The following IFI44L variants were observed in gnomAD, a reference collection of about 807,000 sequenced individuals.
IFI44L encodes the protein interferon induced protein 44 like.
IFI44L carries 40 observed loss-of-function variants against 39.3 expected under a neutral mutation model. The observed-to-expected ratio is 1.02, with a 90% CI of 0.79 to 1.33. The LOEUF (loss-of-function observed/expected upper bound fraction) is 1.33. IFI44L is among the 40% of genes most tolerant of loss of function. IFI44L has a pLI of 0.00. For missense variants in IFI44L, 623 were observed against 549.0 expected, an observed-to-expected ratio of 1.13 and a Z score of -1.35; for synonymous variants, 198 against 182.3, an observed-to-expected ratio of 1.09 and a Z score of -0.69.
intron 1 of IFI44L, among the ~76,000 whole-genome samples, chr1:78,623,389 G>GTTTT (rs1222507453): frequency 5.0e-4 from 10 of 19,948 alleles, no homozygotes; most frequent in Admixed American, 1.4e-3. Flanking sequence ...TGGTTTAAGT[G>GTTTT]TTTTTTGTTT....
At chr1:78,628,765 C>T (rs954556162) in intron 2 of IFI44L, 186 bp from the exon 3 acceptor site, 2 of 566,518 alleles carry the variant, frequency 3.5e-6, no homozygotes, top group Non-Finnish European at 6.4e-6. Flanking sequence ...GCTTCCAGAG[C>T]AAGTTAATGT....
At chr1:78,627,425 G>A (rs778880046) in intron 1 of IFI44L, 1 of 151,944 alleles carries the variant, frequency 6.6e-6, no homozygotes, top group Non-Finnish European at 1.5e-5. Flanking sequence ...GGCAAATGAT[G>A]AATGTGATAT....
intron 4 of IFI44L, among the ~76,000 whole-genome samples, chr1:78,630,486 A>G (rs185928469): frequency 6.6e-6 from 1 of 152,276 alleles, no homozygotes; most frequent in East Asian, 1.9e-4. Context: ...AGAACTACAA[A>G]TTATGATGCA....
chr1:78,620,562 C>T lies in IFI44L; in HGVS notation c.-20C>T, dbSNP rs1345309117. On this transcript the variant is annotated 5_prime_UTR_variant, in exon 1 of 9. Transcript: ENST00000370751. ...CCTCAATTTAAGCCTGATCTAACCC[C>T]TAGAAACAGGTAAGCGACTTTTTAA... The T allele has an allele frequency of 6.6e-6, 1 of 152,136 alleles. No individual in the cohort carries two copies. Among genetic ancestry groups the T allele is most frequent in the African/African-American group, 2.4e-5 (1 of 41,416 alleles). 9.4% of individuals were successfully genotyped at this position (152,136 alleles called of 1,614,324 possible).
At chr1:78,635,108 A>AT (rs150914658) in intron 4 of IFI44L, among the ~76,000 whole-genome samples, 2,750 of 151,678 alleles carry the variant, frequency 0.018, 93 homozygotes, top group African/African-American at 0.063. Context: ...GAATATTTAC[A>AT]TTTTTTTCAG....
intron 1 of IFI44L, chr1:78,620,935 T>C (rs1368319868): frequency 6.6e-6 from 1 of 152,224 alleles, no homozygotes; most frequent in African/African-American, 2.4e-5. Context: ...AATCAACTTT[T>C]ATTTTAAGCT....
intron 6 of IFI44L, among the ~76,000 whole-genome samples, chr1:78,638,748 AT>A (rs1457780725): frequency 1.3e-5 from 2 of 152,068 alleles, no homozygotes; most frequent in Admixed American, 1.3e-4. Flanking sequence ...GTTCTTAAGC[AT>A]TTTTATGATG....
chr1:78,646,002 G>A lies in IFI44L; in HGVS notation c.*4193G>A, dbSNP rs1220502939. 1.3e-5 allele frequency: 2 copies of A among 152,168 alleles called. No individual in the cohort carries two copies. The highest frequency in any genetic ancestry group is 2.9e-5 in the Non-Finnish European group (2 of 68,054). The allele number at this position is 152,168 out of a possible 1,614,324, so 9.4% of individuals were successfully genotyped here. A position where few individuals can be genotyped will look rare whatever the true frequency, so the allele number is the denominator to read the frequency against. ...TTGCAAAAATTGAGGGCACAGGGGT[G>A]GAGGTGGGGGGGTTGAATAACAAGC... On this transcript the variant is annotated 3_prime_UTR_variant, in exon 9 of 9. Transcript: ENST00000370751.
rs759078916 is a variant in IFI44L, at chr1:78,629,813, G to A, written c.621G>A (p.Gly207=). The part of the protein sequence containing the change: ...EIRILLVGPV[G]SGKSSFFNSV... ...GTATTCTTTTGGTGGGTCCAGTTGGGTCTGGAAAGTCCAGTTTTTTCAATT... is the reference window on the plus strand; with the variant it reads ...GTATTCTTTTGGTGGGTCCAGTTGGATCTGGAAAGTCCAGTTTTTTCAATT... Residue 207 remains glycine (G), a synonymous_variant, in exon 4 of 9, where the codon GGG becomes GGA. Transcript: ENST00000370751. 6.2e-7 allele frequency: 1 copy of A among 1,613,700 alleles called. No homozygotes were observed. Among genetic ancestry groups the A allele is most frequent in the South Asian group, 1.1e-5 (1 of 91,074 alleles).
intron 5 of IFI44L, chr1:78,635,967 C>CTT (rs772798804): frequency 5.8e-4 from 71 of 123,000 alleles, no homozygotes; most frequent in South Asian, 1.5e-3. Context: ...CTCTCTCGGT[C>CTT]TTTTTTTTTT....
At chr1:78,638,509 A>T (rs1299239340) in intron 6 of IFI44L, among the ~76,000 whole-genome samples, 2 of 151,874 alleles carry the variant, frequency 1.3e-5, no homozygotes, top group East Asian at 3.9e-4. Context: ...TTTTATATCT[A>T]TTTGCTCTTT....
At position 78,628,405 on chromosome 1, in the gene IFI44L, T is replaced by G. The variant is rs773500016; in HGVS notation, c.478+12T>G. 2 of 1,354,328 alleles carry G rather than the reference T, an allele frequency of 1.5e-6. No homozygotes were observed. The highest frequency in any genetic ancestry group is 2.0e-6 in the Non-Finnish European group (2 of 976,950). The allele number at this position is 1,354,328 out of a possible 1,614,324, so 83.9% of individuals were successfully genotyped here. ...TTTTCGAGTTGAAGGTTTGTAAAAT[T>G]AGATAATCCTACATCTCACATTATG... is the stretch of plus-strand genomic sequence containing the variant. On this transcript the variant is annotated intron_variant, in intron 2 of 8. Coordinates refer to ENST00000370751, the MANE Select transcript of IFI44L (RefSeq NM_006820.4).
intron 6 of IFI44L, among the ~76,000 whole-genome samples, chr1:78,640,061 A>T (rs1404919283): frequency 6.6e-6 from 1 of 152,126 alleles, no homozygotes; most frequent in Non-Finnish European, 1.5e-5. Context: ...CACAATGTAA[A>T]TATATAAGCT....
intron 1 of IFI44L, among the ~76,000 whole-genome samples, chr1:78,623,396 GTTTTTT>G (rs71078508): frequency 0.044 from 5,389 of 121,472 alleles, 153 homozygotes; most frequent in East Asian, 0.13. Flanking sequence ...AGTGTTTTTT[GTTTTTT>G]TTTTTTTTTT....
chr1:78,639,485 G>T (rs188910976), intron 6 of IFI44L, among the ~76,000 whole-genome samples: 1 of 151,966 alleles, frequency 6.6e-6, no homozygotes, highest in East Asian at 1.9e-4. Context: ...TTTCCTTTTT[G>T]CTGGCTCTAA....
chr1:78,632,861 T>A (rs181084337), intron 4 of IFI44L, among the ~76,000 whole-genome samples: 174 of 152,290 alleles, frequency 1.1e-3, no homozygotes, highest in African/African-American at 4.0e-3. Flanking sequence ...TGTAAATTTT[T>A]AAAAAAATGC....
At chr1:78,632,504 A>G (rs1652785959) in intron 4 of IFI44L, among the ~76,000 whole-genome samples, 1 of 152,226 alleles carries the variant, frequency 6.6e-6, no homozygotes, top group Non-Finnish European at 1.5e-5. Flanking sequence ...AAAATCATGC[A>G]TGAGTAAAGG....
chr1:78,620,683 C>T (rs1652242379), intron 1 of IFI44L, 112 bp downstream of exon 1: 2 of 152,244 alleles, frequency 1.3e-5, no homozygotes, highest in South Asian at 4.1e-4. Flanking sequence ...TTGGGAAATC[C>T]ATCACCTCAA....
chr1:78,633,845 A>G (rs548838774), intron 4 of IFI44L, among the ~76,000 whole-genome samples: 12 of 152,296 alleles, frequency 7.9e-5, no homozygotes, highest in African/African-American at 2.9e-4. Context: ...GAGAAAAATG[A>G]TGAGTGATCA....
Sources: gnomAD v4.1 joint callset for allele counts (sites outside exome capture counted in the v4.1 genomes callset) on GRCh38, gnomAD v4.1.1 for gene constraint, MANE v1.5 for transcripts, NCBI Gene and HGNC (gene_info 2026-07-23, HGNC 2026-07-21) for gene names.